Variants in SMOC1 observed in about 807,000 individuals in gnomAD.
SMOC1 encodes SPARC-related modular calcium-binding protein 1.
Under a neutral mutation model 56.3 loss-of-function variants are expected in SMOC1, and 22 were observed. The observed-to-expected ratio is 0.39, with a 90% confidence interval of 0.28 to 0.56. The LOEUF (loss-of-function observed/expected upper bound fraction) is 0.56, where lower values mean the gene tolerates loss of function less well. SMOC1 is among the 20% of genes least tolerant of loss of function. The pLI, the probability that SMOC1 is intolerant of heterozygous loss-of-function variation, is 0.61. For synonymous variants in SMOC1, 193 were observed against 215.0 expected, an observed-to-expected ratio of 0.90 and a Z score of 0.89; for missense variants, 509 against 565.4, an observed-to-expected ratio of 0.90 and a Z score of 1.01.
chr14:69,939,662 TG>T (rs2139412493), intron 1 of SMOC1, among the ~76,000 whole-genome samples: 1 of 152,354 alleles, frequency 6.6e-6, no homozygotes, highest in Admixed American at 6.5e-5. Flanking sequence ...GATAACTTTT[TG>T]ATAACTGGTA....
At chr14:70,007,529 C>A in intron 7 of SMOC1, among the ~76,000 whole-genome samples, 1 of 152,184 alleles carries the variant, frequency 6.6e-6, no homozygotes, top group East Asian at 1.9e-4. Context: ...TTGAATGCAG[C>A]AGATTTGGGA....
intron 3 of SMOC1, among the ~76,000 whole-genome samples, chr14:69,970,369 A>AT: frequency 6.6e-6 from 1 of 152,220 alleles, no homozygotes; most frequent in Middle Eastern, 3.4e-3. Flanking sequence ...CAGTTTCCTC[A>AT]TTTTTGAAGT....
intron 1 of SMOC1, among the ~76,000 whole-genome samples, chr14:69,900,160 G>A (rs1201620680): frequency 1.3e-5 from 2 of 152,174 alleles, no homozygotes; most frequent in African/African-American, 2.4e-5. Context: ...TCAATGCAGA[G>A]GGAGGCCTAG....
intron 1 of SMOC1, chr14:69,885,703 C>G: frequency 6.9e-7 from 1 of 1,453,052 alleles, no homozygotes; most frequent in Non-Finnish European, 9.6e-7. Flanking sequence ...TGTTCTCCAC[C>G]AAGGTGGTGA....
At chr14:69,973,049 G>A (rs1883831046) in intron 3 of SMOC1, among the ~76,000 whole-genome samples, 2 of 152,208 alleles carry the variant, frequency 1.3e-5, no homozygotes, top group South Asian at 4.1e-4. Context: ...TTCCCCAGAG[G>A]TGATTATTGA....
chr14:69,940,958 G>T (rs1009402120), intron 1 of SMOC1, among the ~76,000 whole-genome samples: 2 of 152,238 alleles, frequency 1.3e-5, no homozygotes, highest in Non-Finnish European at 1.5e-5. Flanking sequence ...TGCACAAGCA[G>T]AAAATAAAAA....
intron 7 of SMOC1, among the ~76,000 whole-genome samples, chr14:69,998,735 C>T (rs755466515): frequency 6.6e-6 from 1 of 152,200 alleles, no homozygotes; most frequent in Non-Finnish European, 1.5e-5. Flanking sequence ...CAAAGTAATG[C>T]TCCCAAGGCC....
chr14:70,006,648 C>A (rs11158826), intron 7 of SMOC1, among the ~76,000 whole-genome samples: 25,653 of 152,126 alleles, frequency 0.17, 2,390 homozygotes, highest in African/African-American at 0.23. Context: ...ATAATTAATT[C>A]TTTCTAATGT....
chr14:69,897,976 C>T (rs1190927171), intron 1 of SMOC1, among the ~76,000 whole-genome samples: 4 of 152,094 alleles, frequency 2.6e-5, no homozygotes, highest in Non-Finnish European at 4.4e-5. Context: ...GGTCTACTGG[C>T]AACAAGTTTC....
chr14:69,935,735 A>G (rs1297443564), intron 1 of SMOC1, among the ~76,000 whole-genome samples: 1 of 151,984 alleles, frequency 6.6e-6, no homozygotes, highest in Non-Finnish European at 1.5e-5. Context: ...CTGGGACCTG[A>G]CTCCGCAGCT....
chr14:69,922,097 G>A (rs1001967104), intron 1 of SMOC1, among the ~76,000 whole-genome samples: 4 of 152,246 alleles, frequency 2.6e-5, no homozygotes, highest in Non-Finnish European at 4.4e-5. Context: ...GCAGCTCAGC[G>A]GTCATGATAC....
chr14:69,946,474 A>G (rs545257249), intron 1 of SMOC1, among the ~76,000 whole-genome samples: 73 of 152,328 alleles, frequency 4.8e-4, no homozygotes, highest in Non-Finnish European at 9.0e-4. Flanking sequence ...TGTATTATGC[A>G]ATCATATTTA....
intron 1 of SMOC1, among the ~76,000 whole-genome samples, chr14:69,922,506 T>C (rs1884873801): frequency 6.6e-6 from 1 of 152,096 alleles, no homozygotes; most frequent in Non-Finnish European, 1.5e-5. Flanking sequence ...TGCTGTCCGG[T>C]GTAATGTGTC....
At chr14:69,892,264 C>T (rs527822166) in intron 1 of SMOC1, among the ~76,000 whole-genome samples, 21 of 152,256 alleles carry the variant, frequency 1.4e-4, no homozygotes, top group African/African-American at 4.1e-4. Context: ...CACTGGTCAC[C>T]GATTAATGTT....
chr14:69,969,713 A>G (rs766321516), intron 3 of SMOC1, among the ~76,000 whole-genome samples: 10 of 152,222 alleles, frequency 6.6e-5, no homozygotes, highest in Non-Finnish European at 1.3e-4. Context: ...TGCAAATGGT[A>G]TCTTCCTCTT....
At chr14:69,881,272 A>G (rs1240974324) in intron 1 of SMOC1, among the ~76,000 whole-genome samples, 1 of 152,124 alleles carries the variant, frequency 6.6e-6, no homozygotes, top group East Asian at 1.9e-4. Context: ...GTTCCCTCCA[A>G]TAATTAGGAA....
At chr14:69,928,505 G>C (rs1219341462) in intron 1 of SMOC1, among the ~76,000 whole-genome samples, 1 of 152,172 alleles carries the variant, frequency 6.6e-6, no homozygotes, top group Non-Finnish European at 1.5e-5. Flanking sequence ...CAGCTTTATA[G>C]CTGGATTTGC....
At chr14:69,996,001 C>G (rs1355182867) in intron 7 of SMOC1, among the ~76,000 whole-genome samples, 2 of 152,064 alleles carry the variant, frequency 1.3e-5, no homozygotes, top group Admixed American at 1.3e-4. Context: ...TCTCCTAGTC[C>G]CTGAGGCCCT....
At chr14:70,021,637 G>T (rs192564256) in intron 10 of SMOC1, among the ~76,000 whole-genome samples, 1 of 152,184 alleles carries the variant, frequency 6.6e-6, no homozygotes, top group South Asian at 2.1e-4. Context: ...AGTCCAGGAT[G>T]CCCGGATTAC....
Sources: gnomAD v4.1 joint callset for allele counts (sites outside exome capture counted in the v4.1 genomes callset) on GRCh38, gnomAD v4.1.1 for gene constraint, MANE v1.5 for transcripts, NCBI Gene and HGNC (gene_info 2026-07-23, HGNC 2026-07-21) for gene names.